NDST4: variants seen among roughly 807,000 people sequenced by gnomAD.
NDST4 encodes the protein N-deacetylase and N-sulfotransferase 4.
In NDST4, 63 loss-of-function variants were observed where a neutral mutation model predicts 100.8. The ratio of observed to expected loss-of-function variants is 0.62; its 90% CI spans 0.51 to 0.77. NDST4 has a LOEUF of 0.77. NDST4 is among the 30% of genes least tolerant of loss of function. The pLI is 0.00. For missense variants in NDST4, 943 were observed against 1,018.4 expected, an observed-to-expected ratio of 0.93 and a Z score of 1.01; for synonymous variants, 377 against 361.8, an observed-to-expected ratio of 1.04 and a Z score of -0.48.
chr4:115,060,350 T>A (rs1384134420), intron 2 of NDST4, among the ~76,000 whole-genome samples: 3 of 152,016 alleles, frequency 2.0e-5, no homozygotes, highest in Admixed American at 6.6e-5. Flanking sequence ...TTCTATAACT[T>A]CTCTTACACT....
chr4:115,080,855 C>T (rs1298767813), intron 1 of NDST4, among the ~76,000 whole-genome samples: 1 of 151,928 alleles, frequency 6.6e-6, no homozygotes, highest in Non-Finnish European at 1.5e-5. Context: ...CACACAACTC[C>T]CCCAAATAAC....
At chr4:114,995,849 G>A (rs1019958303) in intron 2 of NDST4, among the ~76,000 whole-genome samples, 29 of 152,048 alleles carry the variant, frequency 1.9e-4, no homozygotes, top group African/African-American at 6.8e-4. Flanking sequence ...GACTGGCTGA[G>A]TGAGTTTCCT....
chr4:115,105,463 A>G (rs1200748180), intron 1 of NDST4, among the ~76,000 whole-genome samples: 1 of 152,112 alleles, frequency 6.6e-6, no homozygotes, highest in African/African-American at 2.4e-5. Context: ...GCATATCCTG[A>G]GTAATTTCCA....
chr4:114,834,450 G>A (rs1431975420), intron 11 of NDST4, among the ~76,000 whole-genome samples: 3 of 148,792 alleles, frequency 2.0e-5, no homozygotes, highest in Admixed American at 1.4e-4. Context: ...GGAGGCCAAG[G>A]TTGCAGTGAG....
At chr4:114,828,045 CA>C in intron 13 of NDST4, 110 bp from the exon 14 acceptor site, 1 of 915,090 alleles carries the variant, frequency 1.1e-6, no homozygotes, top group African/African-American at 1.8e-5. Context: ...GTGTCTACAA[CA>C]TATTATATTT....
At chr4:114,908,657 A>G (rs1483700649) in intron 6 of NDST4, among the ~76,000 whole-genome samples, 1 of 152,218 alleles carries the variant, frequency 6.6e-6, no homozygotes, top group Non-Finnish European at 1.5e-5. Flanking sequence ...TGGTTATAAA[A>G]GGTTAAATTT....
At chr4:114,921,903 T>C (rs1158202847) in intron 6 of NDST4, among the ~76,000 whole-genome samples, 1 of 151,740 alleles carries the variant, frequency 6.6e-6, no homozygotes, top group Non-Finnish European at 1.5e-5. Flanking sequence ...ATTTTCTTCC[T>C]TTTCTCTCCT....
At chr4:114,850,062 T>A (rs1723640175) in intron 8 of NDST4, among the ~76,000 whole-genome samples, 1 of 152,202 alleles carries the variant, frequency 6.6e-6, no homozygotes, top group African/African-American at 2.4e-5. Context: ...AAAAATACTT[T>A]TTAAGATAAC....
chr4:114,993,153 T>C lies in NDST4; in HGVS notation c.979-15879A>G, dbSNP rs558014894. Among the ~76,000 whole-genome samples, 18 of 152,038 alleles carry C rather than the reference T, an allele frequency of 1.2e-4. No homozygotes were observed. In the East Asian group the frequency reaches 3.5e-3, roughly 29 times the overall value. On this transcript the variant is annotated intron_variant, in intron 2 of 13. Transcript: ENST00000264363. ...AAGGCTCCATATTTTATTTATAATT[T>C]TAGCTGAGGCATTACAAATATTTTT... is the stretch of plus-strand genomic sequence containing the variant.
chr4:115,102,501 C>A (rs912689378), intron 1 of NDST4, among the ~76,000 whole-genome samples: 2 of 151,756 alleles, frequency 1.3e-5, no homozygotes, highest in Non-Finnish European at 2.9e-5. Context: ...AATAGTATTG[C>A]AATTATATTC....
chr4:115,031,137 C>T lies in NDST4; in HGVS notation c.978+44922G>A, dbSNP rs541615816. Among the ~76,000 whole-genome samples, 45 of 152,172 alleles carry T rather than the reference C, an allele frequency of 3.0e-4. 2 individuals carry two copies. The South Asian group carries it at 8.9e-3, about 30-fold the overall frequency. ...TTTAAAAACTGATTTGATCGCCTAT[C>T]TGATTTAATACACATCTTCAACTCC... On this transcript the variant is annotated intron_variant, in intron 2 of 13. Coordinates refer to ENST00000264363, the MANE Select transcript of NDST4 (RefSeq NM_022569.3).
rs1351192379 is a variant in NDST4 at position 114,948,532 on chromosome 4, A to T, written c.1222-11029T>A. On this transcript the variant is annotated intron_variant, in intron 4 of 13. Transcript: ENST00000264363. ...TAAATAATTATATTTTTCTGTAGAC[A>T]TGTTCACACATTTCAAACTAAAATC... Among the ~76,000 whole-genome samples the T allele has an allele frequency of 2.6e-5, 4 of 152,206 alleles. No individual in the cohort carries two copies. The East Asian group carries it at 7.7e-4, about 29-fold the overall frequency.
intron 11 of NDST4, among the ~76,000 whole-genome samples, chr4:114,836,008 C>G (rs1195187390): frequency 6.6e-6 from 1 of 152,038 alleles, no homozygotes; most frequent in East Asian, 1.9e-4. Context: ...TGTGCGTCTT[C>G]GCACGTGAGA....
chr4:114,870,976 A>G, intron 6 of NDST4, 26 bp from the exon 7 acceptor site: 1 of 1,574,092 alleles, frequency 6.4e-7, no homozygotes, highest in African/African-American at 1.4e-5. Context: ...AAATGACCAC[A>G]AAAATATCAT....
intron 6 of NDST4, among the ~76,000 whole-genome samples, chr4:114,900,348 T>C (rs1724809442): frequency 1.3e-5 from 2 of 152,158 alleles, no homozygotes. Context: ...CTAATTTTTA[T>C]TGTTTCTTTT....
intron 1 of NDST4, among the ~76,000 whole-genome samples, chr4:115,101,766 A>G (rs1191013732): frequency 6.6e-6 from 1 of 152,088 alleles, no homozygotes; most frequent in African/African-American, 2.4e-5. Flanking sequence ...AAAGGAATTG[A>G]AAGAGTTAAT....
intron 1 of NDST4, among the ~76,000 whole-genome samples, chr4:115,090,118 AT>A (rs1729486888): frequency 6.6e-6 from 1 of 151,816 alleles, no homozygotes. Context: ...TCAATCATTA[AT>A]TTTTTATGTT....
intron 8 of NDST4, among the ~76,000 whole-genome samples, chr4:114,849,624 C>G (rs1262063003): frequency 7.2e-5 from 11 of 151,994 alleles, no homozygotes; most frequent in Admixed American, 6.6e-4. Flanking sequence ...CCATGGGGAC[C>G]AACCACCTTG....
intron 1 of NDST4, among the ~76,000 whole-genome samples, chr4:115,102,860 C>A (rs1729760830): frequency 6.6e-6 from 1 of 151,874 alleles, no homozygotes; most frequent in Non-Finnish European, 1.5e-5. Flanking sequence ...AGGCGCCTGC[C>A]ACCACGCCTG....
Sources: gnomAD v4.1 joint callset for allele counts (sites outside exome capture counted in the v4.1 genomes callset) on GRCh38, gnomAD v4.1.1 for gene constraint, MANE v1.5 for transcripts, NCBI Gene and HGNC (gene_info 2026-07-23, HGNC 2026-07-21) for gene names.